EDNRB: variants seen among roughly 807,000 people sequenced by gnomAD.
EDNRB encodes endothelin receptor type B, also known as Hirschsprung disease 2.
Under a neutral mutation model 46.4 loss-of-function variants are expected in EDNRB, and 18 were observed. That is an observed-to-expected ratio of 0.39 (90% CI 0.27 to 0.57). The LOEUF is 0.57. EDNRB is among the 20% of genes least tolerant of loss of function. The probability of loss-of-function intolerance (pLI) is 0.61; values close to 1 mark genes in which losing one functional copy is unlikely to be tolerated. For missense variants in EDNRB, 434 were observed against 537.5 expected (o/e 0.81, Z 1.90); for synonymous variants, 213 against 204.9 (o/e 1.04, Z -0.34).
In EDNRB at chr13:77,897,920, A is replaced by G; in HGVS notation, c.*280T>C. 7 of 1,161,858 alleles carry G rather than the reference A, an allele frequency of 6.0e-6. No individual in the cohort carries two copies. Among genetic ancestry groups the G allele is most frequent in the Non-Finnish European group, 7.5e-6 (7 of 936,438 alleles). 72.0% of individuals were successfully genotyped at this position (1,161,858 alleles called of 1,614,324 possible). On this transcript the variant is annotated 3_prime_UTR_variant, in exon 7 of 7. Coordinates refer to ENST00000646607, the MANE Select transcript of EDNRB (RefSeq NM_001122659.3). Reference sequence around the variant, plus strand: ...TTTTAAGCCTAAGTGTTGTGTGAATATCCTGGAAGTTGTTAAGAGCTATGT... The same window carrying G: ...TTTTAAGCCTAAGTGTTGTGTGAATGTCCTGGAAGTTGTTAAGAGCTATGT...
intron 1 of EDNRB, among the ~76,000 whole-genome samples, chr13:77,943,741 C>T (rs775487941): frequency 7.2e-5 from 11 of 151,978 alleles, no homozygotes; most frequent in Non-Finnish European, 1.5e-4. Flanking sequence ...CTTCTATTGG[C>T]TTTTTCACCT....
chr13:77,933,059 T>G (rs577684644), intron 1 of EDNRB, among the ~76,000 whole-genome samples: 97 of 152,374 alleles, frequency 6.4e-4, no homozygotes, highest in African/African-American at 2.2e-3. Flanking sequence ...TGACATGGGC[T>G]ATTTTGAAAT....
upstream of EDNRB, among the ~76,000 whole-genome samples, chr13:77,922,058 A>T (rs1880101337): frequency 1.3e-5 from 2 of 152,188 alleles, no homozygotes. Flanking sequence ...ATGAGCAAAA[A>T]GTTGTATCAA....
intron 1 of EDNRB, among the ~76,000 whole-genome samples, chr13:77,911,552 C>A (rs1283933803): frequency 6.6e-6 from 1 of 152,002 alleles, no homozygotes; most frequent in East Asian, 1.9e-4. Context: ...GGCATGAGTG[C>A]AGTTTTGAGC....
chr13:77,937,583 T>G (rs1024823951), intron 1 of EDNRB, among the ~76,000 whole-genome samples: 1 of 152,196 alleles, frequency 6.6e-6, no homozygotes, highest in Non-Finnish European at 1.5e-5. Flanking sequence ...GTACTTTGAC[T>G]ATGCCTTCAG....
chr13:77,957,364 C>T (rs1881270019), intron 1 of EDNRB, among the ~76,000 whole-genome samples: 1 of 152,134 alleles, frequency 6.6e-6, no homozygotes, highest in African/African-American at 2.4e-5. Context: ...TTAATATATT[C>T]ATTAGAATGC....
rs768730315 is a variant in EDNRB, at chr13:77,898,287, C to T, written c.1242G>A (p.Leu414=). Residue 414 remains leucine, a synonymous_variant, in exon 7 of 7, where the codon TTG becomes TTA. Transcript: ENST00000646607. The part of the protein sequence containing the change: ...WCQSFEEKQS[L]EEKQSCLKFK... ...ACTTTAAGCACGACTGCTTTTCCTCCAAGGACTGTTTTTCTTCAAATGACT... is the reference window on the plus strand; with the variant it reads ...ACTTTAAGCACGACTGCTTTTCCTCTAAGGACTGTTTTTCTTCAAATGACT... 3.7e-6 allele frequency: 6 copies of T among 1,612,034 alleles called. No homozygotes were observed. The highest frequency in any genetic ancestry group is 1.7e-5 in the Admixed American group (1 of 59,786).
intron 1 of EDNRB, among the ~76,000 whole-genome samples, chr13:77,959,195 G>A (rs1881327268): frequency 6.6e-6 from 1 of 152,152 alleles, no homozygotes; most frequent in Non-Finnish European, 1.5e-5. Context: ...AGAGAGTAGT[G>A]GTTCTCCCAG....
intron 1 of EDNRB, among the ~76,000 whole-genome samples, chr13:77,932,568 C>T (rs886785501): frequency 4.6e-5 from 7 of 152,160 alleles, no homozygotes; most frequent in African/African-American, 7.2e-5. Flanking sequence ...ATGGCTACAG[C>T]GTAAGACAGA....
rs1276358385 is a variant in EDNRB at position 77,901,218 on chromosome 13, G to A, written c.802-11C>T. The A allele has an allele frequency of 2.5e-6, 4 of 1,609,334 alleles. No homozygotes were observed. Among genetic ancestry groups the A allele is most frequent in the Non-Finnish European group, 3.4e-6 (4 of 1,177,458 alleles). ...TGCTGTCTTGTAAAACTATAGGGATGAGAGAATTTTTACGATTAATACTCC... is the reference window on the plus strand; with the variant it reads ...TGCTGTCTTGTAAAACTATAGGGATAAGAGAATTTTTACGATTAATACTCC... On this transcript the variant is annotated splice_polypyrimidine_tract_variant and intron_variant, in intron 3 of 6. Coordinates refer to ENST00000646607, the MANE Select transcript of EDNRB (RefSeq NM_001122659.3).
rs1878647840 is a variant in EDNRB at position 77,896,705 on chromosome 13, G to A, written c.*1495C>T. The A allele has an allele frequency of 3.5e-6, 5 of 1,422,424 alleles. No homozygotes were observed. The highest frequency in any genetic ancestry group is 4.6e-6 in the Non-Finnish European group (5 of 1,094,088). The allele number at this position is 1,422,424 out of a possible 1,614,324, so 88.1% of individuals were successfully genotyped here. On this transcript the variant is annotated 3_prime_UTR_variant, in exon 7 of 7. Transcript: ENST00000646607. ...TCAGGACCTTTTGCATTGATGTGACGAGGCAATGACGAACGTTAGGCTAAG... is the reference window on the plus strand; with the variant it reads ...TCAGGACCTTTTGCATTGATGTGACAAGGCAATGACGAACGTTAGGCTAAG...
intron 1 of EDNRB, among the ~76,000 whole-genome samples, chr13:77,933,703 T>G (rs1004816477): frequency 2.0e-5 from 3 of 152,020 alleles, no homozygotes; most frequent in African/African-American, 7.2e-5. Flanking sequence ...GCAAAAATTT[T>G]GGGAGATGGT....
intron 3 of EDNRB, among the ~76,000 whole-genome samples, 157 bp from the exon 4 acceptor site, chr13:77,901,364 G>A (rs959775486): frequency 6.6e-6 from 1 of 151,860 alleles, no homozygotes; most frequent in Non-Finnish European, 1.5e-5. Flanking sequence ...CACACTTACT[G>A]AACAAATAAA....
intron 4 of EDNRB, 101 bp downstream of exon 4, chr13:77,900,957 C>G: frequency 7.2e-7 from 1 of 1,393,728 alleles, no homozygotes; most frequent in Non-Finnish European, 9.9e-7. Flanking sequence ...GAAATATGCT[C>G]TGGTATATAA....
In EDNRB at chr13:77,968,256, C is replaced by T. The variant is rs113415841; in HGVS notation, c.-52+7091G>A. 5.2e-3 allele frequency among the ~76,000 whole-genome samples: 787 copies of T among 151,824 alleles called. 11 individuals are homozygous for T. Among genetic ancestry groups the T allele is most frequent in the African/African-American group, 0.018 (736 of 41,402 alleles). On this transcript the variant is annotated intron_variant, in intron 1 of 7. Coordinates refer to the EDNRB transcript ENST00000646948. ...TTAAGCAACATTGAGAATATTTGCT[C>T]CTTGGTTGTAGAGGAAGAGATGCTA...
chr13:77,954,313 C>T (rs573220958), intron 1 of EDNRB, among the ~76,000 whole-genome samples: 19 of 152,000 alleles, frequency 1.3e-4, no homozygotes, highest in Non-Finnish European at 2.2e-4. Context: ...CTGGTAACAC[C>T]ATTCTATTGT....
chr13:77,919,591 C>A, upstream of EDNRB: 5 of 1,610,910 alleles, frequency 3.1e-6, no homozygotes, highest in Non-Finnish European at 4.2e-6. Flanking sequence ...GTCTCTGCTG[C>A]CATCAGACAA....
chr13:77,906,186 G>GTGCA (rs1459954854), intron 1 of EDNRB, among the ~76,000 whole-genome samples: 4 of 151,782 alleles, frequency 2.6e-5, no homozygotes, highest in Non-Finnish European at 5.9e-5. Flanking sequence ...GGTTTACCAT[G>GTGCA]TGCATGGTGA....
intron 3 of EDNRB, 85 bp downstream of exon 3, chr13:77,903,071 T>C (rs1350651616): frequency 7.1e-7 from 1 of 1,412,034 alleles, no homozygotes; most frequent in Non-Finnish European, 9.9e-7. Context: ...AATCAACAGT[T>C]TCCCAAGGAG....
Sources: allele counts gnomAD v4.1 joint callset (sites outside exome capture counted in the v4.1 genomes callset), GRCh38; gene constraint gnomAD v4.1.1; transcripts MANE v1.5; gene names NCBI Gene and HGNC (gene_info 2026-07-23, HGNC 2026-07-21).